The following BNIP3L variants were observed in gnomAD, a reference collection of about 807,000 sequenced individuals.
BNIP3L encodes BCL2 interacting protein 3 like, also known as BCL2/adenovirus E1B 19 kDa protein-interacting protein 3-like.
In BNIP3L, 10 loss-of-function variants were observed where a neutral mutation model predicts 25.5. That is an observed-to-expected ratio of 0.39 (90% CI 0.24 to 0.67). The LOEUF is 0.67. Among genes scored for constraint, BNIP3L ranks in the 30% least tolerant of loss-of-function variants. The probability of loss-of-function intolerance (pLI) is 0.45; values close to 1 mark genes in which losing one functional copy is unlikely to be tolerated. For synonymous variants in BNIP3L, 113 were observed against 101.2 expected (o/e 1.12, Z -0.70); for missense variants, 215 against 270.9 (o/e 0.79, Z 1.45).
intron 2 of BNIP3L, among the ~76,000 whole-genome samples, chr8:26,393,975 G>A (rs1005502697): frequency 1.3e-5 from 2 of 152,020 alleles, no homozygotes; most frequent in Non-Finnish European, 2.9e-5. Context: ...TCTCACCAAC[G>A]TCTCTATACA....
chr8:26,384,727 ATTTTTTTTTT>A (rs10598657), intron 1 of BNIP3L, among the ~76,000 whole-genome samples: 138 of 97,124 alleles, frequency 1.4e-3, no homozygotes, highest in East Asian at 3.1e-3. Context: ...TTTTGAGGAC[ATTTTTTTTTT>A]TTTTTTTTTT....
intron 2 of BNIP3L, among the ~76,000 whole-genome samples, chr8:26,393,412 A>G (rs1018280910): frequency 6.8e-6 from 1 of 147,560 alleles, no homozygotes; most frequent in Non-Finnish European, 1.5e-5. Flanking sequence ...TTCACCCAGA[A>G]GCTTTTAAAA....
chr8:26,410,187 G>A (rs567861382), intron 5 of BNIP3L, among the ~76,000 whole-genome samples, 177 bp from the exon 6 acceptor site: 264 of 152,256 alleles, frequency 1.7e-3, no homozygotes, highest in African/African-American at 6.0e-3. Context: ...GTTTGGCCGG[G>A]CTGGTGACTG....
At position 26,410,492 on chromosome 8, in the gene BNIP3L, A is replaced by T. The variant is rs780632495; in HGVS notation, c.*80A>T. 6.5e-7 allele frequency: 1 copy of T among 1,535,406 alleles called. No homozygotes were observed. The highest frequency in any genetic ancestry group is 9.0e-7 in the Non-Finnish European group (1 of 1,109,944). On this transcript the variant is annotated 3_prime_UTR_variant, in exon 6 of 6. Transcript: ENST00000380629. Reference sequence around the variant, plus strand: ...CAGTAGCTTATTTGAACTTGAGACCATTGTAAGCATGACCCAACCTACCAC... The same window carrying T: ...CAGTAGCTTATTTGAACTTGAGACCTTTGTAAGCATGACCCAACCTACCAC...
intron 3 of BNIP3L, among the ~76,000 whole-genome samples, chr8:26,407,500 T>A (rs1170203056): frequency 1.3e-5 from 2 of 151,582 alleles, no homozygotes; most frequent in African/African-American, 4.8e-5. Flanking sequence ...AGTTTTGTGT[T>A]TTTTTTTAGT....
chr8:26,391,352 C>T lies in BNIP3L; in HGVS notation c.210C>T (p.Asp70=). The change falls in exon 2 of 6, where the codon GAC becomes GAT. Residue 70 remains aspartate, a synonymous_variant. Transcript: ENST00000380629. ...CCTCATCCTCCATCCACAATGGAGA[C>T]ATGGAGAAGATTCTTTTGGATGCAC... ...VPSSSSIHNG[D]MEKILLDAQH... 1 of 1,610,574 alleles carries T rather than the reference C, an allele frequency of 6.2e-7. No homozygotes were observed. The highest frequency in any genetic ancestry group is 1.3e-5 in the African/African-American group (1 of 74,828).
intron 1 of BNIP3L, among the ~76,000 whole-genome samples, chr8:26,384,704 C>G (rs1390763012): frequency 1.3e-5 from 2 of 149,984 alleles, no homozygotes; most frequent in Non-Finnish European, 3.0e-5. Context: ...CATGTTCAGC[C>G]TGTCTACTGC....
intron 3 of BNIP3L, among the ~76,000 whole-genome samples, chr8:26,407,065 T>C (rs1176242827): frequency 6.6e-6 from 1 of 151,772 alleles, no homozygotes; most frequent in Non-Finnish European, 1.5e-5. Context: ...GGATCTCGGC[T>C]CCACCTCCCA....
intron 1 of BNIP3L, among the ~76,000 whole-genome samples, chr8:26,385,477 C>A (rs960990030): frequency 2.6e-5 from 4 of 151,930 alleles, no homozygotes; most frequent in Admixed American, 2.0e-4. Context: ...GTGTTGGGCG[C>A]CTGTAATCCC....
intron 3 of BNIP3L, among the ~76,000 whole-genome samples, chr8:26,402,657 GCA>G (rs1190063426): frequency 6.6e-6 from 1 of 152,158 alleles, no homozygotes; most frequent in Non-Finnish European, 1.5e-5. Context: ...GGACATGGTG[GCA>G]CTTGCCTGTA....
chr8:26,413,052 C>T lies in BNIP3L; in HGVS notation c.*2640C>T, dbSNP rs572672935. ...ATCTATTTTAGTTAGCACTTTGTAT[C>T]GTTATATACAGTTTACAATACATGT... On this transcript the variant is annotated 3_prime_UTR_variant, in exon 6 of 6. Coordinates refer to ENST00000380629, the MANE Select transcript of BNIP3L (RefSeq NM_004331.3). This position sits in a 1 kb window ranked among gnomAD's most constrained non-coding sequence, Gnocchi z 5.2. 31 of 152,720 alleles carry T rather than the reference C, an allele frequency of 2.0e-4. 1 individual carries two copies. Among genetic ancestry groups the T allele is most frequent in the African/African-American group, 7.2e-4 (30 of 41,552 alleles). 9.5% of individuals were successfully genotyped at this position (152,720 alleles called of 1,614,324 possible).
chr8:26,402,427 G>A (rs991276192), intron 3 of BNIP3L, among the ~76,000 whole-genome samples: 17 of 152,328 alleles, frequency 1.1e-4, no homozygotes, highest in East Asian at 1.9e-4. Flanking sequence ...ATTCTTTGCC[G>A]TGGTCTTTCC....
Sources: gnomAD v4.1 joint callset for allele counts (sites outside exome capture counted in the v4.1 genomes callset) on GRCh38, gnomAD v4.1.1 for gene constraint, Gnocchi (gnomAD v3.1) non-coding constraint, MANE v1.5 for transcripts, NCBI Gene and HGNC (gene_info 2026-07-23, HGNC 2026-07-21) for gene names.